Variants in DLGAP2 observed in about 807,000 individuals in gnomAD.
DLGAP2 encodes the protein DLG associated protein 2, also known as disks large-associated protein 2.
A neutral mutation model predicts 100.3 loss-of-function variants in DLGAP2; 26 were observed. That is an observed-to-expected ratio of 0.26 (90% CI 0.19 to 0.36). DLGAP2 has a LOEUF of 0.36. DLGAP2 is among the 10% of genes least tolerant of loss of function. The probability of loss-of-function intolerance (pLI) is 1.00; values close to 1 mark genes in which losing one functional copy is unlikely to be tolerated. For synonymous variants in DLGAP2, 886 were observed against 630.1 expected (o/e 1.41, Z -6.08); for missense variants, 1,858 against 1,453.2 (o/e 1.28, Z -4.53).
intron 1 of DLGAP2, among the ~76,000 whole-genome samples, chr8:802,013 T>A (rs1282543206): frequency 6.8e-6 from 1 of 147,548 alleles, no homozygotes; most frequent in African/African-American, 2.6e-5. Context: ...TGAGGAACAG[T>A]CCGCACCCCT....
chr8:1,344,848 A>C (rs983786851), intron 3 of DLGAP2, among the ~76,000 whole-genome samples: 1 of 152,164 alleles, frequency 6.6e-6, no homozygotes, highest in Non-Finnish European at 1.5e-5. Context: ...TTGTTGAACT[A>C]ATGAATGAGA....
intron 2 of DLGAP2, among the ~76,000 whole-genome samples, chr8:960,235 A>ATTTTTTTTTT (rs1209692955): frequency 1.2e-4 from 1 of 8,348 alleles, no homozygotes; most frequent in African/African-American, 4.3e-4. Context: ...CCTGAAGTAT[A>ATTTTTTTTTT]TCTTTTTTTT....
At chr8:1,542,842 G>A (rs1801408247) in intron 4 of DLGAP2, among the ~76,000 whole-genome samples, 1 of 152,236 alleles carries the variant, frequency 6.6e-6, no homozygotes, top group Non-Finnish European at 1.5e-5. Flanking sequence ...AGCAGCGTGC[G>A]AGGTTCCAGT....
At chr8:1,318,778 G>GCCCCCCCCCCCCCCCCCCC (rs34614425) in intron 3 of DLGAP2, among the ~76,000 whole-genome samples, 5 of 105,572 alleles carry the variant, frequency 4.7e-5, no homozygotes, top group Non-Finnish European at 9.2e-5. Context: ...TCAGTGATCA[G>GCCCCCCCCCCCCCCCCCCC]CCCCCCCCCC....
intron 3 of DLGAP2, among the ~76,000 whole-genome samples, chr8:1,319,146 C>T (rs1349859224): frequency 1.3e-5 from 2 of 152,156 alleles, no homozygotes; most frequent in African/African-American, 4.8e-5. Flanking sequence ...ATCTTGTGCT[C>T]GCTGCCTCCC....
chr8:1,062,890 C>T (rs9650539), intron 2 of DLGAP2, among the ~76,000 whole-genome samples: 22,056 of 152,166 alleles, frequency 0.14, 2,033 homozygotes, highest in Non-Finnish European at 0.21. Flanking sequence ...CAATAATCAC[C>T]GAGTACTGGA....
intron 2 of DLGAP2, among the ~76,000 whole-genome samples, chr8:1,257,100 C>T (rs1345293476): frequency 1.3e-5 from 2 of 152,106 alleles, no homozygotes; most frequent in Non-Finnish European, 2.9e-5. Flanking sequence ...GTGTCCACCC[C>T]GAGGCGTGTG....
Position 1,420,656 on chromosome 8 carries a change from C to T in DLGAP2, c.107-80710C>T, listed in dbSNP as rs1332188731. 5.3e-5 allele frequency among the ~76,000 whole-genome samples: 8 copies of T among 152,246 alleles called. No homozygotes were observed. The East Asian group carries it at 9.7e-4, about 18-fold the overall frequency. Reference sequence around the variant, plus strand: ...ACTGTCAGGACCCAATTTGTGCCTCCGACTGCATTCCCTCTCGCCAAAATG... The same window carrying T: ...ACTGTCAGGACCCAATTTGTGCCTCTGACTGCATTCCCTCTCGCCAAAATG... On this transcript the variant is annotated intron_variant, in intron 3 of 14. Coordinates refer to ENST00000637795, the MANE Select transcript of DLGAP2 (RefSeq NM_001346810.2).
intron 3 of DLGAP2, among the ~76,000 whole-genome samples, chr8:1,463,184 G>A (rs548520147): frequency 1.1e-4 from 17 of 152,352 alleles, no homozygotes; most frequent in Admixed American, 5.9e-4. Context: ...AGGAGATGGA[G>A]GCTGCAGTGA....
At chr8:1,432,845 C>G (rs577381749) in intron 3 of DLGAP2, among the ~76,000 whole-genome samples, 50 of 152,282 alleles carry the variant, frequency 3.3e-4, no homozygotes, top group African/African-American at 1.2e-3. Flanking sequence ...ACACTGGACC[C>G]CGGTGACTTG....
At chr8:1,034,394 G>A (rs865846719) in intron 2 of DLGAP2, among the ~76,000 whole-genome samples, 1 of 5,486 alleles carries the variant, frequency 1.8e-4, no homozygotes, top group African/African-American at 1.6e-3. Context: ...CCGCGAGTGG[G>A]TTCACAGCCT....
intron 1 of DLGAP2, among the ~76,000 whole-genome samples, chr8:815,125 C>A (rs561277127): frequency 3.3e-5 from 5 of 152,258 alleles, no homozygotes; most frequent in African/African-American, 1.2e-4. Context: ...GCTGCTACAA[C>A]CAAATGCTTG....
chr8:1,546,760 G>A (rs918815890), intron 4 of DLGAP2, among the ~76,000 whole-genome samples: 1 of 152,156 alleles, frequency 6.6e-6, no homozygotes, highest in Non-Finnish European at 1.5e-5. Context: ...AAGACTGCAA[G>A]CAGGGGTGCA....
chr8:1,101,809 CGACACGACGA>C (rs1804593953), intron 2 of DLGAP2, among the ~76,000 whole-genome samples: 1 of 24,354 alleles, frequency 4.1e-5, no homozygotes, highest in Non-Finnish European at 8.8e-5. Context: ...GAGCCGAACA[CGACACGACGA>C]TGGGAAGCTC....
In DLGAP2 at chr8:1,678,591, T is replaced by C. The variant is rs1266314568; in HGVS notation, c.2666T>C (p.Met889Thr). 1.3e-6 allele frequency: 2 copies of C among 1,575,484 alleles called. No homozygotes were observed. The highest frequency in any genetic ancestry group is 1.7e-6 in the Non-Finnish European group (2 of 1,160,528). ...TKRMEGWCKE[M>T]EREAEENDLS... The stretch of plus-strand genomic sequence containing the variant: ...AGGATGGAAGGCTGGTGCAAAGAGA[T>C]GGAGAGAGAGGCGGAGGAGAACGAC... Residue 889 changes from methionine (M) to threonine (T), a missense_variant, in exon 12 of 15, where the codon ATG becomes ACG. Met to Thr is a moderately conservative substitution (Grantham distance 81, BLOSUM62 -1). Transcript: ENST00000637795.
At chr8:1,176,512 G>A (rs1055250037) in intron 2 of DLGAP2, among the ~76,000 whole-genome samples, 7 of 152,244 alleles carry the variant, frequency 4.6e-5, no homozygotes, top group African/African-American at 1.7e-4. Context: ...TACACTTGGA[G>A]ATCCTGCCCT....
intron 8 of DLGAP2, among the ~76,000 whole-genome samples, chr8:1,635,872 C>T (rs956354032): frequency 6.6e-6 from 1 of 152,208 alleles, no homozygotes; most frequent in African/African-American, 2.4e-5. Context: ...TTTGGGGACA[C>T]CCCAGTTCAC....
intron 1 of DLGAP2, 81 bp from the exon 2 acceptor site, chr8:907,831 G>A (rs1798411426): frequency 1.3e-5 from 5 of 397,694 alleles, no homozygotes; most frequent in African/African-American, 2.1e-5. Context: ...CTTATTAGAA[G>A]AAACACTCGC....
chr8:1,668,586 C>T lies in DLGAP2; in HGVS notation c.2068C>T (p.Gln690Ter). The T allele has an allele frequency of 6.3e-7, 1 of 1,597,870 alleles. No homozygotes were observed. The highest frequency in any genetic ancestry group is 8.5e-7 in the Non-Finnish European group (1 of 1,173,166). The stretch of plus-strand genomic sequence containing the variant: ...TGCCCAGCGCCACCTGCCAGAGAGC[C>T]AGAGCAGCTCTGTGCGGACCAGCGA... ...AAAQRHLPES[Q>*]SSSVRTSDKA... Residue 690 changes from glutamine (Q) to a stop codon, truncating the protein, a stop_gained, in exon 9 of 15, where the codon CAG (glutamine) becomes TAG (stop). Transcript: ENST00000637795. LOFTEE classifies it high-confidence loss of function.
Sources: allele counts gnomAD v4.1 joint callset (sites outside exome capture counted in the v4.1 genomes callset), GRCh38; gene constraint gnomAD v4.1.1; transcripts MANE v1.5; gene names NCBI Gene and HGNC (gene_info 2026-07-23, HGNC 2026-07-21).